The following FRMPD4 variants were observed in gnomAD, a reference collection of about 807,000 sequenced individuals.
FRMPD4 encodes FERM and PDZ domain containing 4.
FRMPD4 carries 22 observed loss-of-function variants against 94.1 expected under a neutral mutation model. That is an observed-to-expected ratio of 0.23 (90% CI 0.17 to 0.33). FRMPD4 has a LOEUF of 0.33. Ranked by LOEUF, FRMPD4 falls within the 10% of genes least tolerant of loss-of-function variation. The pLI, the probability that FRMPD4 is intolerant of heterozygous loss-of-function variation, is 1.00. For missense variants in FRMPD4, 1,111 were observed against 1,339.9 expected, an observed-to-expected ratio of 0.83 and a Z score of 2.67; for synonymous variants, 631 against 548.6, an observed-to-expected ratio of 1.15 and a Z score of -2.10.
rs748031573 is a variant in FRMPD4, at chrX:12,609,781, T to G, written c.219T>G (p.Pro73=). The change falls in exon 3 of 17, where the codon CCT becomes CCG. Residue 73 remains proline, a synonymous_variant. Coordinates refer to ENST00000675598, the MANE Select transcript of FRMPD4 (RefSeq NM_001368397.1). The stretch of plus-strand genomic sequence containing the variant: ...GGTTAGAGAGCTGCCAAATCATCCC[T>G]CCGGCTCCTCGGAAGGTGGAGATGA... The part of the protein sequence containing the change: ...DPRLESCQII[P]PAPRKVEMRR... 2 of 1,206,765 alleles carry G rather than the reference T, an allele frequency of 1.7e-6. No homozygotes were observed. Among genetic ancestry groups the G allele is most frequent in the Non-Finnish European group, 2.2e-6 (2 of 892,220 alleles).
At chrX:12,015,949 A>T (rs2054602677) in intron 3 of FRMPD4, among the ~76,000 whole-genome samples, 1 of 112,377 alleles carries the variant, frequency 8.9e-6, no homozygotes, top group South Asian at 3.7e-4. Flanking sequence ...CTTTATTTTC[A>T]CACAAGAAAA....
Position 12,721,778 on chromosome X carries a change from C to A in FRMPD4, c.5209C>A (p.Leu1737Ile). The A allele has an allele frequency of 1.3e-6, 1 of 753,350 alleles. No individual in the cohort carries two copies. The highest frequency in any genetic ancestry group is 2.3e-5 in the African/African-American group (1 of 43,742). 62.1% of individuals were successfully genotyped at this position (753,350 alleles called of 1,213,427 possible). A position where few individuals can be genotyped will look rare whatever the true frequency, so the allele number is the denominator to read the frequency against. Residue 1737 changes from leucine (L) to isoleucine (I), a missense_variant, in exon 17 of 17, where the codon CTC becomes ATC. Physicochemically the swap from Leu to Ile is conservative, Grantham distance 5. Around this residue, in one of 8 missense-constraint regions of FRMPD4, gnomAD observed 551 missense variants for 591.6 expected, o/e 0.93. Transcript: ENST00000675598. ...GKNPGDPNVG[L>I]SARHSTTMAA... ...GAACCCTGGGGACCCTAATGTTGGA[C>A]TCTCGGCGCGACACTCAACCACCAT... is the stretch of plus-strand genomic sequence containing the variant.
chrX:12,586,664 T>G (rs754130718), intron 2 of FRMPD4, among the ~76,000 whole-genome samples: 31 of 112,197 alleles, frequency 2.8e-4, no homozygotes, highest in African/African-American at 9.4e-4. Context: ...CAAACACAAT[T>G]TATTATACCC....
At chrX:12,688,828 G>T (rs1281406275) in intron 7 of FRMPD4, among the ~76,000 whole-genome samples, 1 of 107,273 alleles carries the variant, frequency 9.3e-6, no homozygotes, top group Non-Finnish European at 1.9e-5. Flanking sequence ...TGGATGTGGG[G>T]ATCTTTGATT....
chrX:11,995,643 CTT>C, intron 3 of FRMPD4, among the ~76,000 whole-genome samples: 1 of 111,708 alleles, frequency 9.0e-6, no homozygotes, highest in South Asian at 3.7e-4. Flanking sequence ...TTAATAAAAA[CTT>C]ATTTAAATTG....
At chrX:12,605,416 G>A (rs2059122418) in intron 2 of FRMPD4, among the ~76,000 whole-genome samples, 3 of 111,323 alleles carry the variant, frequency 2.7e-5, no homozygotes, top group Non-Finnish European at 3.8e-5. Flanking sequence ...CAATTTCTGC[G>A]GCTTCTGCCA....
intron 1 of FRMPD4, among the ~76,000 whole-genome samples, chrX:12,172,229 A>G (rs2056236659): frequency 9.2e-6 from 1 of 108,899 alleles, no homozygotes; most frequent in Non-Finnish European, 1.9e-5. Flanking sequence ...GCCTGAAGCC[A>G]TGATTTTTAG....
intron 1 of FRMPD4, among the ~76,000 whole-genome samples, chrX:12,453,145 T>C (rs1052189402): frequency 8.9e-6 from 1 of 112,220 alleles, no homozygotes; most frequent in African/African-American, 3.2e-5. Context: ...CATTTTAAGG[T>C]GTTGTGTTTA....
intron 3 of FRMPD4, among the ~76,000 whole-genome samples, chrX:12,103,762 T>C (rs1474172359): frequency 9.0e-6 from 1 of 111,684 alleles, no homozygotes; most frequent in East Asian, 2.8e-4. Flanking sequence ...AAATAAAAAT[T>C]GCTTGTATTC....
At chrX:12,087,414 C>G (rs937067152) in intron 3 of FRMPD4, among the ~76,000 whole-genome samples, 4 of 111,973 alleles carry the variant, frequency 3.6e-5, no homozygotes, top group African/African-American at 1.3e-4. Flanking sequence ...CACTCAGTGC[C>G]CTCCTCTTAG....
chrX:12,366,542 T>C (rs1194955891), intron 1 of FRMPD4, among the ~76,000 whole-genome samples: 1 of 111,855 alleles, frequency 8.9e-6, no homozygotes, highest in Non-Finnish European at 1.9e-5. Flanking sequence ...ATCACATAAA[T>C]AAACCAAGGC....
intron 3 of FRMPD4, among the ~76,000 whole-genome samples, chrX:11,893,624 C>A (rs1021383207): frequency 1.8e-5 from 2 of 111,908 alleles, no homozygotes; most frequent in African/African-American, 6.5e-5. Flanking sequence ...GCTAACTAAA[C>A]TTTTATGGCT....
At chrX:12,475,125 G>C (rs1169318823) in intron 1 of FRMPD4, among the ~76,000 whole-genome samples, 2 of 111,747 alleles carry the variant, frequency 1.8e-5, no homozygotes, top group African/African-American at 6.5e-5. Flanking sequence ...TGATCAAGTG[G>C]GCTTCATACC....
chrX:12,200,914 C>T (rs1372833706), intron 1 of FRMPD4, among the ~76,000 whole-genome samples: 1 of 112,233 alleles, frequency 8.9e-6, no homozygotes, highest in African/African-American at 3.2e-5. Context: ...ACAGCTTCTT[C>T]CACAGTGGGA....
chrX:11,861,775 A>G (rs1364584199), intron 1 of FRMPD4, among the ~76,000 whole-genome samples: 1 of 111,832 alleles, frequency 8.9e-6, no homozygotes, highest in Admixed American at 9.5e-5. Flanking sequence ...CATGGTGAGG[A>G]TAAGAGTTAT....
chrX:12,674,631 G>A (rs1204569513), intron 4 of FRMPD4, among the ~76,000 whole-genome samples: 1 of 111,932 alleles, frequency 8.9e-6, no homozygotes, highest in Non-Finnish European at 1.9e-5. Context: ...ATTGCCCAAT[G>A]TAAACTTACT....
At chrX:12,454,800 G>GAGTT (rs1312924828) in intron 1 of FRMPD4, among the ~76,000 whole-genome samples, 116 of 94,605 alleles carry the variant, frequency 1.2e-3, no homozygotes, top group African/African-American at 4.1e-3. Context: ...ATGAGGTTTG[G>GAGTT]AGTTAGAAAG....
At chrX:12,366,383 G>A (rs1254061113) in intron 1 of FRMPD4, among the ~76,000 whole-genome samples, 1 of 111,157 alleles carries the variant, frequency 9.0e-6, no homozygotes, top group Non-Finnish European at 1.9e-5. Flanking sequence ...GGCAACCAGT[G>A]GGATTGAACA....
intron 1 of FRMPD4, among the ~76,000 whole-genome samples, chrX:11,845,742 T>C (rs1388174909): frequency 9.0e-6 from 1 of 110,526 alleles, no homozygotes; most frequent in Non-Finnish European, 1.9e-5. Flanking sequence ...AATCAATAAA[T>C]GTAATCCAGC....
Sources: gnomAD v4.1 joint callset for allele counts (sites outside exome capture counted in the v4.1 genomes callset) on GRCh38, gnomAD v4.1.1 for gene constraint, gnomAD v4.1.1 regional missense constraint, MANE v1.5 for transcripts, NCBI Gene and HGNC (gene_info 2026-07-23, HGNC 2026-07-21) for gene names.